Variants in AGTPBP1 observed in about 807,000 individuals in gnomAD.
AGTPBP1 encodes cytosolic carboxypeptidase 1.
Under a neutral mutation model 143.9 loss-of-function variants are expected in AGTPBP1, and 70 were observed. That is an observed-to-expected ratio of 0.49 (90% CI 0.40 to 0.59). AGTPBP1 has a LOEUF of 0.59. Among genes scored for constraint, AGTPBP1 ranks in the 20% least tolerant of loss-of-function variants. The pLI is 0.00. For missense variants in AGTPBP1, 1,229 were observed against 1,464.5 expected, an observed-to-expected ratio of 0.84 and a Z score of 2.62; for synonymous variants, 463 against 500.2, an observed-to-expected ratio of 0.93 and a Z score of 0.99.
At chr9:85,733,426 T>C (rs532501099) in intron 1 of AGTPBP1, among the ~76,000 whole-genome samples, 4 of 151,952 alleles carry the variant, frequency 2.6e-5, no homozygotes, top group Non-Finnish European at 5.9e-5. Flanking sequence ...TAGACACAAA[T>C]GAAAGCAAAG....
At chr9:85,654,982 T>C (rs1283994185) in intron 11 of AGTPBP1, among the ~76,000 whole-genome samples, 161 bp downstream of exon 11, 1 of 152,360 alleles carries the variant, frequency 6.6e-6, no homozygotes, top group Non-Finnish European at 1.5e-5. Flanking sequence ...GCCTCCAATT[T>C]CTTACATTTA....
rs532419182 is a variant in AGTPBP1 at position 85,692,251 on chromosome 9, G to A, written c.157+438C>T. 9.0e-4 allele frequency among the ~76,000 whole-genome samples: 136 copies of A among 151,488 alleles called. 1 individual carries two copies. The highest frequency in any genetic ancestry group is 1.5e-3 in the Non-Finnish European group (99 of 67,860). ...TCCAAAGTTATTCAGTTTTCCACTC[G>A]AGTCAATTTGAGAAAGTTTGATTTT... On this transcript the variant is annotated intron_variant, in intron 3 of 25. Coordinates refer to ENST00000357081, the MANE Select transcript of AGTPBP1 (RefSeq NM_001330701.2).
chr9:85,619,112 G>A lies in AGTPBP1; in HGVS notation c.2206C>T (p.Leu736=). Residue 736 remains leucine (L), a synonymous_variant, in exon 17 of 26, where the codon CTG becomes TTG. Coordinates refer to ENST00000357081, the MANE Select transcript of AGTPBP1 (RefSeq NM_001330701.2). ...TGATTGCTGTTTATGTCTGAGTTCA[G>A]AATAAGATCATATTCATTTCTGAAA... ...QIRKNEYDLI[L]NSDINSNHYH... is the part of the protein sequence containing the mutation. 6.2e-7 allele frequency: 1 copy of A among 1,613,176 alleles called. No individual in the cohort carries two copies. Among genetic ancestry groups the A allele is most frequent in the Non-Finnish European group, 8.5e-7 (1 of 1,179,572 alleles).
intron 25 of AGTPBP1, among the ~76,000 whole-genome samples, chr9:85,554,810 A>C (rs1241991407): frequency 6.6e-6 from 1 of 152,226 alleles, no homozygotes; most frequent in Admixed American, 6.5e-5. Flanking sequence ...AACTTTAAGT[A>C]ATAATTGTAA....
At chr9:85,580,332 G>A (rs1432531562) in intron 23 of AGTPBP1, among the ~76,000 whole-genome samples, 1 of 149,384 alleles carries the variant, frequency 6.7e-6, no homozygotes, top group Non-Finnish European at 1.5e-5. Context: ...TATCATATTT[G>A]TTAATTTCTC....
chr9:85,697,910 G>A (rs1463257225), intron 2 of AGTPBP1, among the ~76,000 whole-genome samples: 1 of 152,080 alleles, frequency 6.6e-6, no homozygotes, highest in Non-Finnish European at 1.5e-5. Context: ...ATCTTGATCT[G>A]GTTCTTTTTG....
intron 4 of AGTPBP1, among the ~76,000 whole-genome samples, chr9:85,680,608 G>GA (rs905950615): frequency 1.9e-4 from 28 of 146,330 alleles, no homozygotes; most frequent in Admixed American, 3.4e-4. Flanking sequence ...AGAAAAGAGA[G>GA]AAAAAAAAAA....
At chr9:85,642,103 A>T (rs2133816720) in intron 13 of AGTPBP1, among the ~76,000 whole-genome samples, 1 of 152,290 alleles carries the variant, frequency 6.6e-6, no homozygotes, top group South Asian at 2.1e-4. Flanking sequence ...AAATTTGGGG[A>T]ACAAAGGAAG....
chr9:85,703,031 C>T (rs1023264804), intron 2 of AGTPBP1, among the ~76,000 whole-genome samples: 2 of 152,180 alleles, frequency 1.3e-5, no homozygotes, highest in Admixed American at 1.3e-4. Flanking sequence ...CTGGAGCTTT[C>T]TGAGATCTGC....
chr9:85,801,433 C>G, the AGTPBP1 span, among the ~76,000 whole-genome samples: 1 of 152,110 alleles, frequency 6.6e-6, no homozygotes, highest in Non-Finnish European at 1.5e-5. Context: ...AACAGGGTAT[C>G]TAGCTCTTTA....
intron 17 of AGTPBP1, among the ~76,000 whole-genome samples, chr9:85,615,198 A>C (rs918829436): frequency 6.6e-5 from 10 of 152,082 alleles, no homozygotes; most frequent in Non-Finnish European, 1.3e-4. Flanking sequence ...AACACCAAAA[A>C]CATACTATCA....
chr9:85,573,786 C>A lies in AGTPBP1; in HGVS notation c.3503+1529G>T, dbSNP rs564156587. Among the ~76,000 whole-genome samples, 124 of 151,836 alleles carry A rather than the reference C, an allele frequency of 8.2e-4. 1 individual carries two copies. In the East Asian group the frequency reaches 0.023, roughly 28 times the overall value. On this transcript the variant is annotated intron_variant, in intron 25 of 25. Coordinates refer to ENST00000357081, the MANE Select transcript of AGTPBP1 (RefSeq NM_001330701.2). ...GTCTGGGATGTGAGGAGCGCCTCTG[C>A]CCGGCAGCGACCCCGTCTGGGAGGT...
the AGTPBP1 span, among the ~76,000 whole-genome samples, chr9:85,776,018 A>G: frequency 6.6e-6 from 1 of 152,158 alleles, no homozygotes; most frequent in Non-Finnish European, 1.5e-5. Context: ...GAACTCATAC[A>G]CATCTCCTGA....
At chr9:85,650,242 A>G (rs1404178468) in intron 11 of AGTPBP1, among the ~76,000 whole-genome samples, 2 of 152,062 alleles carry the variant, frequency 1.3e-5, no homozygotes, top group African/African-American at 4.8e-5. Context: ...GTCCATTCCA[A>G]TCACACAGTG....
At chr9:85,800,244 G>A in the AGTPBP1 span, among the ~76,000 whole-genome samples, 2 of 152,172 alleles carry the variant, frequency 1.3e-5, no homozygotes, top group East Asian at 3.8e-4. Context: ...ATGGAGTAGG[G>A]AATATAGGGG....
chr9:85,628,839 C>T (rs1312215034), intron 14 of AGTPBP1, among the ~76,000 whole-genome samples: 1 of 152,040 alleles, frequency 6.6e-6, no homozygotes, highest in African/African-American at 2.4e-5. Flanking sequence ...CTATAGGTGC[C>T]CGAGTAACTG....
chr9:85,551,089 C>T (rs1375166030), intron 25 of AGTPBP1, among the ~76,000 whole-genome samples: 1 of 132,898 alleles, frequency 7.5e-6, no homozygotes, highest in Non-Finnish European at 1.5e-5. Context: ...TGTCTGCTCC[C>T]GCTATGCCTT....
At chr9:85,623,994 C>T (rs942115368) in intron 14 of AGTPBP1, among the ~76,000 whole-genome samples, 3 of 152,176 alleles carry the variant, frequency 2.0e-5, no homozygotes, top group Non-Finnish European at 4.4e-5. Context: ...TTATGCAGGA[C>T]TGTCTAGAAA....
intron 8 of AGTPBP1, among the ~76,000 whole-genome samples, chr9:85,665,220 T>C (rs1834062199): frequency 6.6e-6 from 1 of 152,138 alleles, no homozygotes; most frequent in Admixed American, 6.6e-5. Flanking sequence ...AGACTGGTGC[T>C]GTTATAAGGA....
Sources: allele counts gnomAD v4.1 joint callset (sites outside exome capture counted in the v4.1 genomes callset), GRCh38; gene constraint gnomAD v4.1.1; transcripts MANE v1.5; gene names NCBI Gene and HGNC (gene_info 2026-07-23, HGNC 2026-07-21).